The following XKR4 variants were observed in gnomAD, a reference collection of about 807,000 sequenced individuals.
XKR4 encodes XK-related protein 4.
In XKR4, 12 loss-of-function variants were observed where a neutral mutation model predicts 53.9. The observed-to-expected ratio is 0.22, with a 90% confidence interval of 0.14 to 0.36. The LOEUF is 0.36. XKR4 is among the 10% of genes least tolerant of loss of function. The pLI is 1.00. For missense variants in XKR4, 799 were observed against 859.5 expected (o/e 0.93, Z 0.88); for synonymous variants, 354 against 362.4 (o/e 0.98, Z 0.26).
intron 2 of XKR4, among the ~76,000 whole-genome samples, chr8:55,428,220 A>T (rs1045630269): frequency 2.0e-4 from 30 of 152,326 alleles, no homozygotes; most frequent in Admixed American, 6.5e-4. Context: ...CAGTATAGAG[A>T]TTAGCAAGAC....
chr8:55,143,618 G>C (rs531675201), intron 1 of XKR4, among the ~76,000 whole-genome samples: 2 of 152,094 alleles, frequency 1.3e-5, no homozygotes, highest in Non-Finnish European at 2.9e-5. Context: ...ATAATTTTTC[G>C]ATTAAAAGGG....
intron 1 of XKR4, among the ~76,000 whole-genome samples, chr8:55,236,189 G>A (rs780332786): frequency 4.6e-5 from 7 of 152,152 alleles, no homozygotes; most frequent in Non-Finnish European, 8.8e-5. Flanking sequence ...GTTCAGGTGG[G>A]AGCCAAAGAA....
At position 55,358,133 on chromosome 8, in the gene XKR4, G is replaced by T. The variant is rs139615324; in HGVS notation, c.1006+256G>T. ...AAAAAATCTTTATGATTTTACACTTGGTCGATGTGGGGATAGAGTCAGTCA... is the reference window on the plus strand; with the variant it reads ...AAAAAATCTTTATGATTTTACACTTTGTCGATGTGGGGATAGAGTCAGTCA... On this transcript the variant is annotated intron_variant, in intron 2 of 2. Transcript: ENST00000327381. 2.6e-5 allele frequency among the ~76,000 whole-genome samples: 4 copies of T among 152,240 alleles called. No individual in the cohort carries two copies. In the East Asian group the frequency reaches 5.8e-4, roughly 22 times the overall value.
At position 55,472,974 on chromosome 8, in the gene XKR4, G is replaced by A. The variant is rs114728085; in HGVS notation, c.1007-50307G>A. 7.9e-4 allele frequency among the ~76,000 whole-genome samples: 120 copies of A among 152,052 alleles called. 1 individual carries two copies. The highest frequency in any genetic ancestry group is 2.8e-3 in the African/African-American group (118 of 41,408). ...GCCTCAGCATAAGTATGGCATAAAGGGGCTAGCATACTATGAATACGATTA... is the reference window on the plus strand; with the variant it reads ...GCCTCAGCATAAGTATGGCATAAAGAGGCTAGCATACTATGAATACGATTA... On this transcript the variant is annotated intron_variant, in intron 2 of 2. Coordinates refer to ENST00000327381, the MANE Select transcript of XKR4 (RefSeq NM_052898.2).
chr8:55,453,840 G>T, intron 2 of XKR4: 2 of 510,046 alleles, frequency 3.9e-6, no homozygotes. Context: ...GCCACATCGT[G>T]GGCCACCAGC....
At chr8:55,115,920 G>A (rs1304482143) in intron 1 of XKR4, among the ~76,000 whole-genome samples, 1 of 152,172 alleles carries the variant, frequency 6.6e-6, no homozygotes, top group East Asian at 1.9e-4. Context: ...TAGGACTGGA[G>A]TCATCAAAGT....
intron 1 of XKR4, among the ~76,000 whole-genome samples, chr8:55,236,666 T>C (rs370385365): frequency 1.5e-4 from 23 of 152,290 alleles, no homozygotes; most frequent in African/African-American, 5.3e-4. Flanking sequence ...TCAGGCCCTC[T>C]ACCCTCCTGC....
intron 1 of XKR4, among the ~76,000 whole-genome samples, chr8:55,158,954 G>A (rs1379069810): frequency 6.6e-6 from 1 of 152,140 alleles, no homozygotes; most frequent in Non-Finnish European, 1.5e-5. Context: ...AATTACCTCG[G>A]ACATTCTGGC....
chr8:55,466,184 A>G (rs1042956955), intron 2 of XKR4, among the ~76,000 whole-genome samples: 24 of 152,180 alleles, frequency 1.6e-4, no homozygotes, highest in African/African-American at 4.8e-4. Context: ...AGACACATGC[A>G]TATGTATGTT....
intron 1 of XKR4, among the ~76,000 whole-genome samples, chr8:55,283,647 G>A (rs1818869370): frequency 6.6e-6 from 1 of 152,124 alleles, no homozygotes; most frequent in Admixed American, 6.5e-5. Flanking sequence ...AGCTGAAAAA[G>A]CATTCCAGAA....
At chr8:55,345,204 G>A (rs748728627) in intron 1 of XKR4, among the ~76,000 whole-genome samples, 1 of 151,884 alleles carries the variant, frequency 6.6e-6, no homozygotes, top group Non-Finnish European at 1.5e-5. Context: ...TGAGGCAGGA[G>A]AATCACTTGA....
chr8:55,454,452 G>T, intron 2 of XKR4: 1 of 1,186,918 alleles, frequency 8.4e-7, no homozygotes, highest in Non-Finnish European at 1.2e-6. Flanking sequence ...CTCCGGGACA[G>T]GAAGAGAACC....
chr8:55,449,999 A>G (rs1805408650), intron 2 of XKR4: 1 of 806,908 alleles, frequency 1.2e-6, no homozygotes, highest in South Asian at 1.4e-5. Flanking sequence ...CCCAGCGAGC[A>G]GCGGTGGTGA....
chr8:55,476,103 C>T lies in XKR4; in HGVS notation c.1007-47178C>T, dbSNP rs187478825. Among the ~76,000 whole-genome samples, 99 of 152,072 alleles carry T rather than the reference C, an allele frequency of 6.5e-4. 1 individual carries two copies. The highest frequency in any genetic ancestry group is 2.0e-3 in the African/African-American group (82 of 41,436). On this transcript the variant is annotated intron_variant, in intron 2 of 2. Coordinates refer to ENST00000327381, the MANE Select transcript of XKR4 (RefSeq NM_052898.2). The stretch of plus-strand genomic sequence containing the variant: ...GGGTACTTGAAAAACATGCTGATAT[C>T]GGGATCACTCACAGACAGTCTAATT...
At chr8:55,140,486 C>T (rs1263593881) in intron 1 of XKR4, among the ~76,000 whole-genome samples, 1 of 152,238 alleles carries the variant, frequency 6.6e-6, no homozygotes, top group Non-Finnish European at 1.5e-5. Context: ...GGAATGGCTT[C>T]AGCCCAAGAG....
chr8:55,320,035 C>T (rs1401300233), intron 1 of XKR4, among the ~76,000 whole-genome samples: 2 of 152,202 alleles, frequency 1.3e-5, no homozygotes, highest in African/African-American at 2.4e-5. Context: ...TCTGTCCTCT[C>T]TCATTTTAGC....
chr8:55,245,719 G>T (rs937901246), intron 1 of XKR4, among the ~76,000 whole-genome samples: 3 of 152,288 alleles, frequency 2.0e-5, no homozygotes, highest in African/African-American at 7.2e-5. Context: ...CAGTCTGAGA[G>T]TTTTGATGTC....
chr8:55,267,303 G>A (rs568502966), intron 1 of XKR4, among the ~76,000 whole-genome samples: 3 of 152,324 alleles, frequency 2.0e-5, no homozygotes, highest in African/African-American at 7.2e-5. Flanking sequence ...TTCCAGTCTA[G>A]TAAGTAACAT....
intron 1 of XKR4, among the ~76,000 whole-genome samples, chr8:55,278,368 C>A (rs1818794605): frequency 6.8e-6 from 1 of 148,140 alleles, no homozygotes. Context: ...ACATCATTCA[C>A]AAATTATTAT....
Sources: allele counts gnomAD v4.1 joint callset (sites outside exome capture counted in the v4.1 genomes callset), GRCh38; gene constraint gnomAD v4.1.1; transcripts MANE v1.5; gene names NCBI Gene and HGNC (gene_info 2026-07-23, HGNC 2026-07-21).